Variants in FLT1 observed in about 807,000 individuals in gnomAD.
FLT1 encodes vascular endothelial growth factor receptor 1.
Under a neutral mutation model 156.3 loss-of-function variants are expected in FLT1, and 49 were observed. The observed-to-expected ratio is 0.31, with a 90% CI of 0.25 to 0.40. The LOEUF is 0.40. FLT1 is among the 10% of genes least tolerant of loss of function. The pLI is 1.00. For missense variants in FLT1, 1,322 were observed against 1,637.2 expected, an observed-to-expected ratio of 0.81 and a Z score of 3.32; for synonymous variants, 594 against 583.8, an observed-to-expected ratio of 1.02 and a Z score of -0.25.
In FLT1 at chr13:28,372,566, G is replaced by GTATATATATATATATATATA. The variant is rs57608920; in HGVS notation, c.2116+12299_2116+12318dup. Among the ~76,000 whole-genome samples the GTATATATATATATATATATA allele has an allele frequency of 2.7e-3, 249 of 91,374 alleles. 14 individuals carry two copies. Among genetic ancestry groups the GTATATATATATATATATATA allele is most frequent in the East Asian group, 6.9e-3 (15 of 2,178 alleles). The allele number at this position is 91,374 out of a possible 152,430, so 59.9% of individuals were successfully genotyped here. A position where few individuals can be genotyped will look rare whatever the true frequency, so the allele number is the denominator to read the frequency against. On this transcript the variant is annotated intron_variant, in intron 14 of 29. Transcript: ENST00000282397. ...CATATATTCCTCGTTTAAATAAAAT[G>GTATATATATATATATATATA]TATATATATATATATATATATATAT...
rs866124874 is a variant in FLT1 at position 28,412,373 on chromosome 13, T to C, written c.1437-6479A>G. ...TTCTCTTTCTTTCTTTCTTTCTTTC[T>C]TTCTTTCTTTCTTTCTTTCTTTCTT... On this transcript the variant is annotated intron_variant, in intron 10 of 29. Transcript: ENST00000282397. Among the ~76,000 whole-genome samples the C allele has an allele frequency of 5.5e-4, 69 of 126,382 alleles. 1 individual carries two copies. The highest frequency in any genetic ancestry group is 1.9e-3 in the African/African-American group (62 of 32,116). The allele number at this position is 126,382 out of a possible 152,430, so 82.9% of individuals were successfully genotyped here.
intron 29 of FLT1, among the ~76,000 whole-genome samples, chr13:28,305,988 G>A (rs1292142481): frequency 1.3e-5 from 2 of 152,186 alleles, no homozygotes; most frequent in African/African-American, 4.8e-5. Context: ...CTGCCTTCGG[G>A]TGAGACAGGG....
intron 13 of FLT1, chr13:28,385,714 A>G: frequency 1.0e-6 from 1 of 962,518 alleles, no homozygotes; most frequent in Non-Finnish European, 1.3e-6. Flanking sequence ...AAAACATACA[A>G]ATATGATACA....
chr13:28,460,088 A>T (rs888277090), intron 3 of FLT1, among the ~76,000 whole-genome samples: 4 of 152,194 alleles, frequency 2.6e-5, no homozygotes, highest in African/African-American at 9.7e-5. Context: ...ATTGGGCAAC[A>T]AACACCATCT....
intron 3 of FLT1, among the ~76,000 whole-genome samples, chr13:28,452,018 T>A (rs1878969122): frequency 6.6e-6 from 1 of 152,138 alleles, no homozygotes; most frequent in Non-Finnish European, 1.5e-5. Context: ...TTTTTAAAGA[T>A]AAGTAGGAAA....
chr13:28,412,385 T>TTTCCTTCTTTCTTTCCTTCTTTCTTTCC lies in FLT1; in HGVS notation c.1437-6492_1437-6491insGGAAAGAAAGAAGGAAAGAAAGAAGGAA, dbSNP rs1555236550. ...CTTTCTTTCTTTCTTTCTTTCTTTCTTTCTTTCTTTCTTTCTTTCTTTCTT... is the reference window on the plus strand; with the variant it reads ...CTTTCTTTCTTTCTTTCTTTCTTTCTTTCCTTCTTTCTTTCCTTCTTTCTTTCCTTCTTTCTTTCTTTCTTTCTTTCTT... On this transcript the variant is annotated intron_variant, in intron 10 of 29. Coordinates refer to ENST00000282397, the MANE Select transcript of FLT1 (RefSeq NM_002019.4). 2.7e-4 allele frequency among the ~76,000 whole-genome samples: 23 copies of TTTCCTTCTTTCTTTCCTTCTTTCTTTCC among 85,028 alleles called. 1 individual carries two copies. Among genetic ancestry groups the TTTCCTTCTTTCTTTCCTTCTTTCTTTCC allele is most frequent in the African/African-American group, 7.8e-4 (21 of 26,850 alleles). The allele number at this position is 85,028 out of a possible 152,430, so 55.8% of individuals were successfully genotyped here.
intron 27 of FLT1, among the ~76,000 whole-genome samples, chr13:28,311,156 T>C (rs1415380068): frequency 6.6e-6 from 1 of 152,086 alleles, no homozygotes; most frequent in East Asian, 1.9e-4. Flanking sequence ...GAGGTCTCTC[T>C]ATGTTGCCGA....
intron 14 of FLT1, among the ~76,000 whole-genome samples, chr13:28,372,853 G>C (rs1305038422): frequency 1.3e-5 from 2 of 151,586 alleles, no homozygotes; most frequent in East Asian, 1.9e-4. Context: ...CTGCACTCCA[G>C]CTTGGCAACA....
chr13:28,320,980 A>C (rs75683022), intron 23 of FLT1, among the ~76,000 whole-genome samples: 1,795 of 152,272 alleles, frequency 0.012, 43 homozygotes, highest in African/African-American at 0.041. Flanking sequence ...GGGAGATGCT[A>C]GGCATGGAAG....
chr13:28,495,058 G>A lies in FLT1; in HGVS notation c.-215C>T, dbSNP rs1207333284. ...CGAGCCCCGGAGCCCGCTCCGAGCC[G>A]CCGCCGCTGCCGGGGAGGAGCCGAG... On this transcript the variant is annotated 5_prime_UTR_variant, in exon 1 of 30. Transcript: ENST00000282397. This position sits in a 1 kb window ranked among gnomAD's most constrained non-coding sequence, Gnocchi z 4.1. 1.5e-5 allele frequency: 7 copies of A among 468,672 alleles called. No homozygotes were observed. The highest frequency in any genetic ancestry group is 4.1e-5 in the African/African-American group (2 of 48,572). The allele number at this position is 468,672 out of a possible 1,614,324, so 29.0% of individuals were successfully genotyped here. A position where few individuals can be genotyped will look rare whatever the true frequency, so the allele number is the denominator to read the frequency against.
At chr13:28,485,799 G>T (rs868045389) in intron 1 of FLT1, among the ~76,000 whole-genome samples, 10 of 152,162 alleles carry the variant, frequency 6.6e-5, no homozygotes, top group African/African-American at 2.2e-4. Flanking sequence ...CAACACCGCT[G>T]CCCCCAGGGA....
At chr13:28,372,609 T>C (rs1873669468) in intron 14 of FLT1, among the ~76,000 whole-genome samples, 1 of 138,134 alleles carries the variant, frequency 7.2e-6, no homozygotes, top group Non-Finnish European at 1.6e-5. Flanking sequence ...TATAGCTGGG[T>C]GCAGTGGCTC....
intron 17 of FLT1, among the ~76,000 whole-genome samples, chr13:28,335,465 T>C (rs1872083264): frequency 6.6e-6 from 1 of 152,216 alleles, no homozygotes; most frequent in African/African-American, 2.4e-5. Context: ...TCTTGTAGTT[T>C]GTAATGAAGC....
chr13:28,334,140 G>A lies in FLT1; in HGVS notation c.2489-11C>T. ...TTCCAAGTGATTTGCCTGTAATGAA[G>A]AGAAGACACTGGTTTGTTTGCCGAG... On this transcript the variant is annotated splice_polypyrimidine_tract_variant and intron_variant, in intron 17 of 29. Coordinates refer to ENST00000282397, the MANE Select transcript of FLT1 (RefSeq NM_002019.4). The A allele has an allele frequency of 6.4e-7, 1 of 1,572,946 alleles. No homozygotes were observed. The highest frequency in any genetic ancestry group is 8.8e-7 in the Non-Finnish European group (1 of 1,142,388).
At chr13:28,339,568 A>T (rs992666823) in intron 16 of FLT1, among the ~76,000 whole-genome samples, 1 of 152,160 alleles carries the variant, frequency 6.6e-6, no homozygotes, top group Admixed American at 6.5e-5. Context: ...TTCTCCAGTG[A>T]CCTTATGTGT....
chr13:28,337,149 C>CTT (rs80124550), intron 17 of FLT1, among the ~76,000 whole-genome samples: 41 of 143,068 alleles, frequency 2.9e-4, no homozygotes, highest in Admixed American at 2.2e-3. Context: ...AGTGAGGAAT[C>CTT]TTTTTTTTTT....
chr13:28,374,245 A>G lies in FLT1; in HGVS notation c.2116+10640T>C, dbSNP rs1873746017. 2.6e-5 allele frequency among the ~76,000 whole-genome samples: 4 copies of G among 151,972 alleles called. No individual in the cohort carries two copies. The South Asian group carries it at 8.3e-4, about 32-fold the overall frequency. Reference sequence around the variant, plus strand: ...GCCTGGGCAACATAGAAAGACCACCATCTCTACAAAAGAAAAAAAAATAGC... The same window carrying G: ...GCCTGGGCAACATAGAAAGACCACCGTCTCTACAAAAGAAAAAAAAATAGC... On this transcript the variant is annotated intron_variant, in intron 14 of 29. Coordinates refer to ENST00000282397, the MANE Select transcript of FLT1 (RefSeq NM_002019.4).
At chr13:28,398,038 GA>G (rs1050612646) in intron 11 of FLT1, among the ~76,000 whole-genome samples, 3 of 150,930 alleles carry the variant, frequency 2.0e-5, no homozygotes, top group Non-Finnish European at 4.4e-5. Flanking sequence ...TTCTTCCAAA[GA>G]AAAAAAATTG....
chr13:28,423,826 G>A (rs1462525796), intron 10 of FLT1, among the ~76,000 whole-genome samples: 8 of 152,226 alleles, frequency 5.3e-5, no homozygotes, highest in Non-Finnish European at 1.2e-4. Flanking sequence ...CTATTTAGAA[G>A]TCTACCTGTT....
Sources: gnomAD v4.1 joint callset for allele counts (sites outside exome capture counted in the v4.1 genomes callset) on GRCh38, gnomAD v4.1.1 for gene constraint, Gnocchi (gnomAD v3.1) non-coding constraint, MANE v1.5 for transcripts, NCBI Gene and HGNC (gene_info 2026-07-23, HGNC 2026-07-21) for gene names.